PRH1: variants seen among roughly 807,000 people sequenced by gnomAD.
PRH1 encodes the protein salivary acidic proline-rich phosphoprotein 1/2.
A neutral mutation model predicts 7.9 loss-of-function variants in PRH1; 7 were observed. The observed-to-expected ratio is 0.89, with a 90% CI of 0.50 to 1.67. The LOEUF (loss-of-function observed/expected upper bound fraction) is 1.67, where lower values mean the gene tolerates loss of function less well. Ranked by LOEUF, PRH1 falls within the 40% of genes most tolerant of loss-of-function variation. The pLI is 0.00. For synonymous variants in PRH1, 45 were observed against 80.8 expected (o/e 0.56, Z 2.38); for missense variants, 109 against 223.6 (o/e 0.49, Z 3.27).
chr12:11,075,792 G>C (rs1408019904), intron 1 of PRH1, among the ~76,000 whole-genome samples: 1 of 143,734 alleles, frequency 7.0e-6, no homozygotes, highest in African/African-American at 2.5e-5. Context: ...ACCTCAACCT[G>C]AAACTAGAAA....
At chr12:11,133,703 A>G in intron 1 of PRH1, 1 of 1,614,236 alleles carries the variant, frequency 6.2e-7, no homozygotes, top group Non-Finnish European at 8.5e-7. Context: ...GTTTGCTAGC[A>G]TGGTTAGAGT....
intron 2 of PRH1, among the ~76,000 whole-genome samples, chr12:10,954,274 A>G (rs950072231): frequency 6.6e-5 from 10 of 152,262 alleles, no homozygotes; most frequent in African/African-American, 2.4e-4. Context: ...CTAACCTCGA[A>G]TGTAAACAGG....
intron 2 of PRH1, among the ~76,000 whole-genome samples, chr12:10,892,426 T>C (rs1475100768): frequency 6.6e-6 from 1 of 152,198 alleles, no homozygotes; most frequent in African/African-American, 2.4e-5. Context: ...GATTAAGAGA[T>C]GAGTCCAGAG....
At chr12:11,122,195 CT>C (rs1945931260) in intron 1 of PRH1, among the ~76,000 whole-genome samples, 1 of 152,234 alleles carries the variant, frequency 6.6e-6, no homozygotes, top group South Asian at 2.1e-4. Context: ...GTTTCTTGCT[CT>C]TTTCCATTTA....
chr12:10,978,240 T>C (rs1423719218), intron 1 of PRH1, among the ~76,000 whole-genome samples: 4 of 152,064 alleles, frequency 2.6e-5, no homozygotes, highest in Admixed American at 2.6e-4. Context: ...GGAAATGGAA[T>C]AGAGAGCCCA....
At chr12:11,124,039 G>A (rs551687075) in intron 1 of PRH1, among the ~76,000 whole-genome samples, 2 of 152,266 alleles carry the variant, frequency 1.3e-5, no homozygotes, top group South Asian at 4.1e-4. Flanking sequence ...TTTGGTCAGA[G>A]AATAGAATAA....
intron 2 of PRH1, among the ~76,000 whole-genome samples, chr12:10,948,411 A>G (rs1348255380): frequency 2.0e-5 from 3 of 152,184 alleles, no homozygotes; most frequent in Admixed American, 6.5e-5. Context: ...TCAGACTAGT[A>G]TATTCTGCTG....
In PRH1 at chr12:11,092,637, G is replaced by C. The variant is rs1262576817; in HGVS notation, n.124-45449C>G. Reference sequence around the variant, plus strand: ...TTTTACAATCCTCTTGCTAGCTACAGAGCGCTGATTGCTGTGGTTTTACAG... The same window carrying C: ...TTTTACAATCCTCTTGCTAGCTACACAGCGCTGATTGCTGTGGTTTTACAG... On this transcript the variant is annotated intron_variant and non_coding_transcript_variant, in intron 1 of 4. Transcript: ENST00000541977. Among the ~76,000 whole-genome samples the C allele has an allele frequency of 1.7e-5, 2 of 114,444 alleles. 1 individual carries two copies. Among genetic ancestry groups the C allele is most frequent in the Non-Finnish European group, 4.1e-5 (2 of 48,422 alleles). 75.1% of individuals were successfully genotyped at this position (114,444 alleles called of 152,430 possible).
chr12:10,919,758 G>C (rs951832798), intron 2 of PRH1, among the ~76,000 whole-genome samples: 1 of 151,738 alleles, frequency 6.6e-6, no homozygotes, highest in African/African-American at 2.4e-5. Flanking sequence ...GGTCTCACCA[G>C]ACCTGTCTTT....
At chr12:11,044,490 CAAAGT>C (rs1261839107) in intron 1 of PRH1, among the ~76,000 whole-genome samples, 1 of 151,822 alleles carries the variant, frequency 6.6e-6, no homozygotes, top group Non-Finnish European at 1.5e-5. Context: ...GTACAATCAA[CAAAGT>C]AAAGAGACAA....
At chr12:11,112,284 T>G (rs1945611843) in intron 1 of PRH1, among the ~76,000 whole-genome samples, 1 of 152,188 alleles carries the variant, frequency 6.6e-6, no homozygotes, top group Non-Finnish European at 1.5e-5. Context: ...AAAGAGGGAC[T>G]ACTCCTTAAC....
At chr12:10,982,800 T>C (rs191039600) in intron 1 of PRH1, among the ~76,000 whole-genome samples, 38 of 152,144 alleles carry the variant, frequency 2.5e-4, no homozygotes, top group Admixed American at 2.6e-4. Context: ...ATGAAGTTTA[T>C]AGGGGTCCAA....
chr12:11,134,378 T>G, intron 1 of PRH1: 1 of 1,117,308 alleles, frequency 9.0e-7, no homozygotes, highest in Non-Finnish European at 1.2e-6. Context: ...TACTTTTAAT[T>G]GCTGTGACCA....
At chr12:11,058,759 T>C (rs1275210281) in intron 1 of PRH1, among the ~76,000 whole-genome samples, 1 of 152,064 alleles carries the variant, frequency 6.6e-6, no homozygotes, top group African/African-American at 2.4e-5. Context: ...GGAGAGCAAA[T>C]CCCTATGGAA....
At chr12:11,018,914 G>A (rs1468754510) in intron 1 of PRH1, among the ~76,000 whole-genome samples, 1 of 152,292 alleles carries the variant, frequency 6.6e-6, no homozygotes, top group Non-Finnish European at 1.5e-5. Flanking sequence ...TGTCTGGTGG[G>A]GGGAAAGTAA....
chr12:11,093,488 T>C lies in PRH1; in HGVS notation n.124-46300A>G, dbSNP rs1251910618. ...TTCCAAGAGGCTGTGCAGATGAAAT[T>C]AGTCCTATTTTCCCGGGTTTTCAGC... On this transcript the variant is annotated intron_variant and non_coding_transcript_variant, in intron 1 of 4. Coordinates refer to the PRH1 transcript ENST00000541977. 7.7e-5 allele frequency among the ~76,000 whole-genome samples: 9 copies of C among 116,618 alleles called. 2 individuals carry two copies. In the Middle Eastern group the frequency reaches 0.012, roughly 152 times the overall value. The allele number at this position is 116,618 out of a possible 152,430, so 76.5% of individuals were successfully genotyped here. A position where few individuals can be genotyped will look rare whatever the true frequency, so the allele number is the denominator to read the frequency against.
At chr12:11,169,243 T>C in intron 1 of PRH1, among the ~76,000 whole-genome samples, 1 of 152,190 alleles carries the variant, frequency 6.6e-6, no homozygotes, top group East Asian at 1.9e-4. Flanking sequence ...ATTCTCCTAA[T>C]ATCACCCTCA....
intron 2 of PRH1, chr12:10,908,592 G>T (rs1949842577): frequency 6.2e-7 from 1 of 1,613,996 alleles, no homozygotes. Context: ...TAAAAGGAAT[G>T]AGATCACAAT....
chr12:11,051,246 C>T (rs565464374), upstream of PRH1, among the ~76,000 whole-genome samples: 6 of 152,244 alleles, frequency 3.9e-5, no homozygotes, highest in Admixed American at 1.3e-4. Flanking sequence ...GAAGAAATAT[C>T]TACTGAAAAA....
Sources: gnomAD v4.1 joint callset for allele counts (sites outside exome capture counted in the v4.1 genomes callset) on GRCh38, gnomAD v4.1.1 for gene constraint, MANE v1.5 for transcripts, NCBI Gene and HGNC (gene_info 2026-07-23, HGNC 2026-07-21) for gene names.